Variants in MAP3K2 observed in about 807,000 individuals in gnomAD.
MAP3K2 encodes the protein MAP/ERK kinase kinase 2.
A neutral mutation model predicts 80.3 loss-of-function variants in MAP3K2; 24 were observed. That is an observed-to-expected ratio of 0.30 (90% CI 0.22 to 0.42). MAP3K2 has a LOEUF of 0.42. Ranked by LOEUF, MAP3K2 falls within the 10% of genes least tolerant of loss-of-function variation. The probability of loss-of-function intolerance (pLI) is 1.00; values close to 1 mark genes in which losing one functional copy is unlikely to be tolerated. For missense variants in MAP3K2, 608 were observed against 750.1 expected (o/e 0.81, Z 2.21); for synonymous variants, 244 against 253.7 (o/e 0.96, Z 0.36).
At chr2:127,319,187 AC>A (rs1685965183) in intron 12 of MAP3K2, among the ~76,000 whole-genome samples, 1 of 140,818 alleles carries the variant, frequency 7.1e-6, no homozygotes, top group Non-Finnish European at 1.5e-5. Context: ...AAACCCTGTC[AC>A]CCCTGCATTA....
At chr2:127,388,060 C>A, upstream of MAP3K2, 1 of 983,616 alleles carries the variant, frequency 1.0e-6, no homozygotes, top group African/African-American at 1.8e-5. Context: ...CCGCCGCGGG[C>A]GCGCGCCCGG....
intron 8 of MAP3K2, among the ~76,000 whole-genome samples, chr2:127,326,165 C>T (rs986208710): frequency 4.0e-5 from 6 of 151,826 alleles, no homozygotes; most frequent in African/African-American, 1.2e-4. Context: ...TGAACAATGG[C>T]CCCACCCAAA....
At chr2:127,368,648 TAAA>T (rs1211556602) in intron 1 of MAP3K2, among the ~76,000 whole-genome samples, 1 of 151,956 alleles carries the variant, frequency 6.6e-6, no homozygotes, top group Non-Finnish European at 1.5e-5. Context: ...TAAATAAAAA[TAAA>T]AAGGCAAAGT....
At chr2:127,316,017 G>T (rs1340230240) in intron 14 of MAP3K2, among the ~76,000 whole-genome samples, 1 of 152,174 alleles carries the variant, frequency 6.6e-6, no homozygotes, top group Non-Finnish European at 1.5e-5. Context: ...GGAAGTTGCA[G>T]TGAGCCGAGA....
At chr2:127,330,868 C>A (rs2104832901) in intron 5 of MAP3K2, among the ~76,000 whole-genome samples, 1 of 152,260 alleles carries the variant, frequency 6.6e-6, no homozygotes, top group Admixed American at 6.5e-5. Context: ...AATAAAGGTA[C>A]TACTTTTCTT....
intron 1 of MAP3K2, chr2:127,378,056 A>C (rs986361775): frequency 1.2e-5 from 4 of 344,656 alleles, no homozygotes; most frequent in African/African-American, 8.9e-5. Context: ...GGAATAAGGA[A>C]AAGAACTACT....
chr2:127,363,745 T>C (rs781113440), intron 1 of MAP3K2, among the ~76,000 whole-genome samples: 3 of 152,182 alleles, frequency 2.0e-5, no homozygotes, highest in Non-Finnish European at 2.9e-5. Flanking sequence ...CTCTGTCACC[T>C]AGCCTGGCTC....
chr2:127,316,807 T>G (rs936558341), intron 14 of MAP3K2: 6 of 152,166 alleles, frequency 3.9e-5, no homozygotes, highest in African/African-American at 1.4e-4. Context: ...GTGAATCTAA[T>G]TTAGACCTCA....
chr2:127,330,054 C>A, intron 6 of MAP3K2, 46 bp from the exon 7 acceptor site: 1 of 1,121,358 alleles, frequency 8.9e-7, no homozygotes, highest in Non-Finnish European at 1.4e-6. Context: ...CTCCTTGGGG[C>A]TTTAAACAGA....
chr2:127,360,420 G>GT (rs974956887), intron 1 of MAP3K2, among the ~76,000 whole-genome samples: 1 of 151,396 alleles, frequency 6.6e-6, no homozygotes, highest in Non-Finnish European at 1.5e-5. Context: ...ACGGATAGAG[G>GT]TAAGACAGTG....
chr2:127,343,902 C>G (rs1686546622), intron 1 of MAP3K2, among the ~76,000 whole-genome samples: 1 of 152,034 alleles, frequency 6.6e-6, no homozygotes, highest in African/African-American at 2.4e-5. Flanking sequence ...GCCTGTAGCT[C>G]CCAGCTACTT....
intron 1 of MAP3K2, among the ~76,000 whole-genome samples, chr2:127,345,593 T>C (rs942537761): frequency 6.6e-6 from 1 of 152,126 alleles, no homozygotes; most frequent in Admixed American, 6.5e-5. Context: ...CAAATACATA[T>C]AGGACATTTC....
chr2:127,353,137 G>A (rs1056360121), intron 1 of MAP3K2, among the ~76,000 whole-genome samples: 3 of 151,998 alleles, frequency 2.0e-5, no homozygotes. Context: ...TGGGAAGTGA[G>A]GAGCGTCTCT....
chr2:127,317,123 C>T (rs1685923940), intron 14 of MAP3K2: 2 of 144,610 alleles, frequency 1.4e-5, no homozygotes, highest in South Asian at 2.2e-4. Context: ...TTCTCTTTGT[C>T]AAATCTATAT....
chr2:127,379,665 T>C (rs994289350), intron 1 of MAP3K2, among the ~76,000 whole-genome samples: 3 of 152,216 alleles, frequency 2.0e-5, no homozygotes, highest in Non-Finnish European at 2.9e-5. Flanking sequence ...ATGAATTATA[T>C]AGTATTATAT....
chr2:127,340,437 T>A (rs181419194), intron 2 of MAP3K2, among the ~76,000 whole-genome samples: 2 of 152,210 alleles, frequency 1.3e-5, no homozygotes, highest in African/African-American at 2.4e-5. Flanking sequence ...GGGGGGCAGA[T>A]CATAAGGTCA....
intron 12 of MAP3K2, among the ~76,000 whole-genome samples, chr2:127,319,668 A>G (rs1305308139): frequency 6.0e-5 from 9 of 149,060 alleles, no homozygotes; most frequent in East Asian, 4.0e-4. Context: ...AAAAAAAAAA[A>G]AAAAAAAAAA....
intron 1 of MAP3K2, among the ~76,000 whole-genome samples, chr2:127,369,969 T>C (rs113615719): frequency 6.6e-6 from 1 of 152,194 alleles, no homozygotes; most frequent in Non-Finnish European, 1.5e-5. Flanking sequence ...GGAAAAAGAT[T>C]TGGCTGAAGG....
At position 127,360,939 on chromosome 2, in the gene MAP3K2, A is replaced by G. The variant is rs1272919323; in HGVS notation, c.-65-17745T>C. ...TGGCTGCAGGTAAAAGGAAGAGAGG[A>G]GAGGGTTCTGAGACCTTTCACTGTG... On this transcript the variant is annotated intron_variant, in intron 1 of 16. Coordinates refer to ENST00000682094, the MANE Select transcript of MAP3K2 (RefSeq NM_001371910.2). Among the ~76,000 whole-genome samples, 5 of 152,176 alleles carry G rather than the reference A, an allele frequency of 3.3e-5. No individual in the cohort carries two copies. In the East Asian group the frequency reaches 5.8e-4, roughly 18 times the overall value.
Sources: allele counts gnomAD v4.1 joint callset (sites outside exome capture counted in the v4.1 genomes callset), GRCh38; gene constraint gnomAD v4.1.1; transcripts MANE v1.5; gene names NCBI Gene and HGNC (gene_info 2026-07-23, HGNC 2026-07-21).